CASK: variants seen among roughly 807,000 people sequenced by gnomAD.
CASK encodes calcium/calmodulin dependent serine protein kinase.
A neutral mutation model predicts 82.9 loss-of-function variants in CASK; 4 were observed. That is an observed-to-expected ratio of 0.05 (90% CI 0.02 to 0.11). The LOEUF (loss-of-function observed/expected upper bound fraction) is 0.11, where lower values mean the gene tolerates loss of function less well. Ranked by LOEUF, CASK falls within the 10% of genes least tolerant of loss-of-function variation. The pLI is 1.00. For missense variants in CASK, 358 were observed against 720.9 expected (o/e 0.50, Z 5.76); for synonymous variants, 259 against 253.5 (o/e 1.02, Z -0.20).
At chrX:41,831,996 C>T (rs1271747235) in intron 2 of CASK, among the ~76,000 whole-genome samples, 5 of 109,407 alleles carry the variant, frequency 4.6e-5, no homozygotes, top group African/African-American at 1.7e-4. Flanking sequence ...AAAAAAGCAA[C>T]AGTTCATATG....
intron 15 of CASK, among the ~76,000 whole-genome samples, chrX:41,576,925 GATT>G (rs1298487647): frequency 8.9e-6 from 1 of 111,873 alleles, no homozygotes; most frequent in Non-Finnish European, 1.9e-5. Context: ...ACTAAATGAG[GATT>G]AGGACCAGAA....
intron 5 of CASK, chrX:41,676,607 G>A (rs2067271141): frequency 1.8e-6 from 1 of 553,335 alleles, no homozygotes; most frequent in African/African-American, 2.3e-5. Context: ...TCCGAACTCT[G>A]GGTTTTATGT....
chrX:41,691,894 A>G (rs1283198590), intron 5 of CASK, among the ~76,000 whole-genome samples: 1 of 107,010 alleles, frequency 9.3e-6, no homozygotes, highest in Non-Finnish European at 1.9e-5. Context: ...TAAAGATCAT[A>G]ACCTCTTGAA....
chrX:41,874,561 A>G (rs2071776552), intron 1 of CASK, among the ~76,000 whole-genome samples: 1 of 112,017 alleles, frequency 8.9e-6, no homozygotes. Context: ...CTTTATCCAG[A>G]TATCAGACTA....
At chrX:41,569,948 T>A (rs2065383537) in intron 15 of CASK, among the ~76,000 whole-genome samples, 1 of 109,798 alleles carries the variant, frequency 9.1e-6, no homozygotes, top group African/African-American at 3.3e-5. Flanking sequence ...ATTTTTTGAT[T>A]GCTATATACA....
intron 3 of CASK, among the ~76,000 whole-genome samples, chrX:41,754,613 A>C (rs1307096499): frequency 8.9e-6 from 1 of 111,735 alleles, no homozygotes; most frequent in Non-Finnish European, 1.9e-5. Flanking sequence ...CAAAAAGAAA[A>C]GAGAAAAGAC....
rs146079498 is a variant in CASK, at chrX:41,896,493, A to C, written c.59+26437T>G. 2.8e-3 allele frequency among the ~76,000 whole-genome samples: 319 copies of C among 112,373 alleles called. 1 individual carries two copies. Among genetic ancestry groups the C allele is most frequent in the East Asian group, 6.4e-3 (23 of 3,598 alleles). On this transcript the variant is annotated intron_variant, in intron 1 of 26. Coordinates refer to ENST00000378163, the MANE Select transcript of CASK (RefSeq NM_001367721.1). ...CCCTCTCTTTCTCTTGGAGGACATT[A>C]GACATAGCATATAAGAAACAAAATC...
chrX:41,828,917 T>C (rs1304143056), intron 2 of CASK, among the ~76,000 whole-genome samples: 1 of 112,344 alleles, frequency 8.9e-6, no homozygotes, highest in African/African-American at 3.2e-5. Flanking sequence ...GTCTGGATTA[T>C]TAGATTTAAA....
intron 6 of CASK, among the ~76,000 whole-genome samples, chrX:41,670,892 C>T (rs919535994): frequency 8.9e-6 from 1 of 112,062 alleles, no homozygotes; most frequent in African/African-American, 3.2e-5. Flanking sequence ...TAATTTGTAA[C>T]TTTTTTCTTT....
At chrX:41,752,638 T>C (rs1295226845) in intron 3 of CASK, among the ~76,000 whole-genome samples, 1 of 111,591 alleles carries the variant, frequency 9.0e-6, no homozygotes, top group African/African-American at 3.3e-5. Context: ...TCAAAACTTG[T>C]ACAGGATTGG....
chrX:41,603,066 G>T (rs1196684327), intron 12 of CASK, among the ~76,000 whole-genome samples: 1 of 111,977 alleles, frequency 8.9e-6, no homozygotes, highest in African/African-American at 3.2e-5. Context: ...CTTAAGACTG[G>T]ATGGGGCCCT....
At chrX:41,623,656 C>G (rs759920232) in intron 10 of CASK, among the ~76,000 whole-genome samples, 2 of 111,876 alleles carry the variant, frequency 1.8e-5, no homozygotes, top group South Asian at 7.4e-4. Flanking sequence ...AAGTGATCCA[C>G]CCACCTCGGC....
chrX:41,711,522 T>A (rs2067977221), intron 5 of CASK, among the ~76,000 whole-genome samples: 1 of 109,144 alleles, frequency 9.2e-6, no homozygotes, highest in Non-Finnish European at 1.9e-5. Context: ...TAGGGGCGAG[T>A]CCTCAGTGAA....
intron 3 of CASK, among the ~76,000 whole-genome samples, chrX:41,782,648 TTATAA>T (rs2069500381): frequency 8.9e-6 from 1 of 111,804 alleles, no homozygotes; most frequent in African/African-American, 3.3e-5. Context: ...CTCAGGGAAC[TTATAA>T]AACTTGGCCA....
At chrX:41,830,676 C>G (rs111770336) in intron 2 of CASK, among the ~76,000 whole-genome samples, 1 of 107,771 alleles carries the variant, frequency 9.3e-6, no homozygotes, top group Non-Finnish European at 1.9e-5. Flanking sequence ...AAAAATTAGC[C>G]GGGCGTGGTG....
At chrX:41,553,627 T>A in intron 21 of CASK, 92 bp downstream of exon 21, 1 of 684,729 alleles carries the variant, frequency 1.5e-6, no homozygotes, top group South Asian at 2.4e-5. Context: ...ATCAAACAGG[T>A]TTTACACTCT....
intron 16 of CASK, among the ~76,000 whole-genome samples, chrX:41,567,577 T>A (rs1449809663): frequency 3.0e-4 from 33 of 111,439 alleles, no homozygotes; most frequent in African/African-American, 8.5e-4. Flanking sequence ...ATCATTAAAA[T>A]GTCAGGAAAC....
chrX:41,914,968 T>C (rs564542042), intron 1 of CASK, among the ~76,000 whole-genome samples: 1 of 112,127 alleles, frequency 8.9e-6, no homozygotes, highest in African/African-American at 3.2e-5. Flanking sequence ...TTAAACATAA[T>C]ATTCATTTTG....
chrX:41,521,357 G>T (rs2064634734), intron 26 of CASK, among the ~76,000 whole-genome samples: 1 of 111,877 alleles, frequency 8.9e-6, no homozygotes, highest in East Asian at 2.8e-4. Flanking sequence ...AAATGTCACT[G>T]TTCGTAGGTC....
Sources: allele counts gnomAD v4.1 joint callset (sites outside exome capture counted in the v4.1 genomes callset), GRCh38; gene constraint gnomAD v4.1.1; transcripts MANE v1.5; gene names NCBI Gene and HGNC (gene_info 2026-07-23, HGNC 2026-07-21).